ANKRD44: variants seen among roughly 807,000 people sequenced by gnomAD.
The protein encoded by ANKRD44 is serine/threonine-protein phosphatase 6 regulatory ankyrin repeat subunit B.
Under a neutral mutation model 116.0 loss-of-function variants are expected in ANKRD44, and 35 were observed. The ratio of observed to expected loss-of-function variants is 0.30; its 90% confidence interval spans 0.23 to 0.40. The LOEUF (loss-of-function observed/expected upper bound fraction) is 0.40, where lower values mean the gene tolerates loss of function less well. Among genes scored for constraint, ANKRD44 ranks in the 10% least tolerant of loss-of-function variants. The pLI is 1.00. For missense variants in ANKRD44, 1,014 were observed against 1,242.6 expected, an observed-to-expected ratio of 0.82 and a Z score of 2.77; for synonymous variants, 435 against 461.8, an observed-to-expected ratio of 0.94 and a Z score of 0.74.
At chr2:197,172,815 C>A (rs893431936) in intron 2 of ANKRD44, among the ~76,000 whole-genome samples, 1 of 152,170 alleles carries the variant, frequency 6.6e-6, no homozygotes, top group African/African-American at 2.4e-5. Flanking sequence ...ATCCGCCCAC[C>A]TTGGCCTCCC....
chr2:197,053,070 C>CT (rs1430857084), intron 16 of ANKRD44, among the ~76,000 whole-genome samples: 1 of 152,146 alleles, frequency 6.6e-6, no homozygotes, highest in African/African-American at 2.4e-5. Context: ...ACTCAGGAGG[C>CT]TGAGGCAGGA....
intron 1 of ANKRD44, among the ~76,000 whole-genome samples, chr2:197,215,759 C>T (rs1360504065): frequency 6.6e-6 from 1 of 152,176 alleles, no homozygotes; most frequent in Non-Finnish European, 1.5e-5. Flanking sequence ...ATAAATCCTG[C>T]TGGCACAGGG....
At chr2:197,281,844 A>G (rs1018743265) in intron 1 of ANKRD44, among the ~76,000 whole-genome samples, 3 of 152,202 alleles carry the variant, frequency 2.0e-5, no homozygotes, top group African/African-American at 4.8e-5. Context: ...GTGGAAGAGA[A>G]GTTTAAATCT....
Position 197,257,894 on chromosome 2 carries a change from G to C in ANKRD44, c.27+52684C>G, listed in dbSNP as rs139521488. Among the ~76,000 whole-genome samples, 43 of 151,888 alleles carry C rather than the reference G, an allele frequency of 2.8e-4. 1 individual carries two copies. Among genetic ancestry groups the C allele is most frequent in the African/African-American group, 9.4e-4 (39 of 41,404 alleles). ...GCCAATTAAACAATAACTTCCCATT[G>C]CCTCCCCCCTTTATCCCTGGTAACC... On this transcript the variant is annotated intron_variant, in intron 1 of 27. Transcript: ENST00000282272.
chr2:196,983,859 A>C (rs1186999192), downstream of ANKRD44, among the ~76,000 whole-genome samples: 1 of 152,168 alleles, frequency 6.6e-6, no homozygotes, highest in Non-Finnish European at 1.5e-5. Flanking sequence ...AGTTCCCCCC[A>C]CTGGGAAAGT....
chr2:196,976,718 T>G (rs994848836), intron 21 of ANKRD44, among the ~76,000 whole-genome samples: 2 of 151,904 alleles, frequency 1.3e-5, no homozygotes, highest in African/African-American at 4.8e-5. Flanking sequence ...AATACAAAAA[T>G]TAGCAGGGCG....
chr2:197,073,089 C>A (rs2077594692), intron 16 of ANKRD44, among the ~76,000 whole-genome samples: 1 of 152,166 alleles, frequency 6.6e-6, no homozygotes, highest in South Asian at 2.1e-4. Flanking sequence ...TGTTCCCCAA[C>A]CTAGGGCTTC....
rs1010585434 is a variant in ANKRD44, at chr2:197,019,671, G to A, written c.1722+5525C>T. On this transcript the variant is annotated intron_variant, in intron 17 of 27. Coordinates refer to ENST00000282272, the MANE Select transcript of ANKRD44 (RefSeq NM_001195144.2). The stretch of plus-strand genomic sequence containing the variant: ...ACATGACCATAAGTTATATGTTCCC[G>A]TAACCTTTTATTATAGGAAATTCCA... Among the ~76,000 whole-genome samples the A allele has an allele frequency of 5.3e-5, 8 of 151,234 alleles. No homozygotes were observed. In the East Asian group the frequency reaches 1.3e-3, roughly 25 times the overall value.
chr2:197,066,830 A>C (rs1047979551), intron 16 of ANKRD44, among the ~76,000 whole-genome samples: 1 of 152,212 alleles, frequency 6.6e-6, no homozygotes, highest in Non-Finnish European at 1.5e-5. Context: ...GGTAGGAAGA[A>C]TCAATATCGT....
intron 1 of ANKRD44, among the ~76,000 whole-genome samples, chr2:197,301,758 C>A (rs1316952605): frequency 1.3e-5 from 2 of 152,174 alleles, no homozygotes; most frequent in Admixed American, 6.5e-5. Flanking sequence ...TACTATGCAC[C>A]TTACCCTGTT....
At chr2:197,235,200 T>C (rs1026946660) in intron 1 of ANKRD44, among the ~76,000 whole-genome samples, 2 of 152,344 alleles carry the variant, frequency 1.3e-5, no homozygotes, top group Non-Finnish European at 2.9e-5. Flanking sequence ...TTGGGTTCTA[T>C]AAAAGAACTA....
chr2:197,187,121 G>A lies in ANKRD44; in HGVS notation c.28-15C>T, dbSNP rs1428393805. The A allele has an allele frequency of 1.9e-6, 3 of 1,613,106 alleles. No homozygotes were observed. The highest frequency in any genetic ancestry group is 2.5e-6 in the Non-Finnish European group (3 of 1,179,252). ...ACCAATGGTGGCTGCAAACACAAGA[G>A]AATGGGAATCAGAACTAAAATTAAT... On this transcript the variant is annotated splice_polypyrimidine_tract_variant and intron_variant, in intron 1 of 27. Transcript: ENST00000282272.
chr2:197,083,292 T>G, intron 14 of ANKRD44, 77 bp downstream of exon 14: 2 of 1,497,678 alleles, frequency 1.3e-6, no homozygotes, highest in Non-Finnish European at 1.8e-6. Context: ...TGAGGCGGTA[T>G]GAAGAAAACT....
chr2:197,080,052 A>T (rs2077758747), intron 15 of ANKRD44, among the ~76,000 whole-genome samples: 1 of 152,204 alleles, frequency 6.6e-6, no homozygotes, highest in South Asian at 2.1e-4. Flanking sequence ...TTAAATGCCC[A>T]TGGAAAGGAT....
chr2:197,121,695 C>G, intron 7 of ANKRD44, 151 bp from the exon 8 acceptor site: 1 of 698,820 alleles, frequency 1.4e-6, no homozygotes, highest in Non-Finnish European at 2.4e-6. Context: ...GTGTGGTCAT[C>G]TTGGGAATGC....
chr2:197,170,691 G>A (rs1053704703), intron 2 of ANKRD44, among the ~76,000 whole-genome samples: 3 of 152,172 alleles, frequency 2.0e-5, no homozygotes, highest in African/African-American at 7.2e-5. Flanking sequence ...TGTTCATGAA[G>A]GCAAATATGG....
At chr2:197,279,427 G>T (rs189428930) in intron 1 of ANKRD44, among the ~76,000 whole-genome samples, 223 of 152,238 alleles carry the variant, frequency 1.5e-3, no homozygotes, top group African/African-American at 5.2e-3. Flanking sequence ...CTGATCAAAA[G>T]TCGTCATGGC....
At chr2:197,262,416 C>A (rs977290346) in intron 1 of ANKRD44, among the ~76,000 whole-genome samples, 1 of 152,188 alleles carries the variant, frequency 6.6e-6, no homozygotes, top group African/African-American at 2.4e-5. Context: ...CCACTGACAA[C>A]TCCAGAATCA....
chr2:197,265,577 G>C (rs914953965), intron 1 of ANKRD44, among the ~76,000 whole-genome samples: 2 of 152,060 alleles, frequency 1.3e-5, no homozygotes, highest in East Asian at 3.9e-4. Context: ...GAAGTTGTGG[G>C]CTACCTCTTT....
Sources: allele counts gnomAD v4.1 joint callset (sites outside exome capture counted in the v4.1 genomes callset), GRCh38; gene constraint gnomAD v4.1.1; transcripts MANE v1.5; gene names NCBI Gene and HGNC (gene_info 2026-07-23, HGNC 2026-07-21).